FBLN1: variants seen among roughly 807,000 people sequenced by gnomAD.
FBLN1 encodes the protein fibulin-1.
In FBLN1, 34 loss-of-function variants were observed where a neutral mutation model predicts 89.7. The observed-to-expected ratio is 0.38, with a 90% CI of 0.29 to 0.50. The LOEUF (loss-of-function observed/expected upper bound fraction) is 0.50, where lower values mean the gene tolerates loss of function less well. Among genes scored for constraint, FBLN1 ranks in the 20% least tolerant of loss-of-function variants. The probability of loss-of-function intolerance (pLI) is 0.92; values close to 1 mark genes in which losing one functional copy is unlikely to be tolerated. For missense variants in FBLN1, 777 were observed against 988.1 expected, an observed-to-expected ratio of 0.79 and a Z score of 2.86; for synonymous variants, 393 against 391.3, an observed-to-expected ratio of 1.00 and a Z score of -0.05.
In FBLN1 at chr22:45,503,051, G is replaced by C; in HGVS notation, c.66G>C (p.Leu22=). 1 of 1,248,238 alleles carries C rather than the reference G, an allele frequency of 8.0e-7. No individual in the cohort carries two copies. The highest frequency in any genetic ancestry group is 1.0e-6 in the Non-Finnish European group (1 of 996,572). The allele number at this position is 1,248,238 out of a possible 1,614,324, so 77.3% of individuals were successfully genotyped here. The change falls in exon 1 of 17, where the codon CTG becomes CTC. Residue 22 remains leucine, a synonymous_variant. Coordinates refer to ENST00000327858, the MANE Select transcript of FBLN1 (RefSeq NM_006486.3). Reference sequence around the variant, plus strand: ...TGCTGCTGCTCGGCGGCCTTGCGCTGCTGGCGGCCGGAGGTAGGGGCGTCC... The same window carrying C: ...TGCTGCTGCTCGGCGGCCTTGCGCTCCTGGCGGCCGGAGGTAGGGGCGTCC... The part of the protein sequence containing the change: ...LPLLLLGGLA[L]LAAGVDADVL...
chr22:45,525,693 C>T lies in FBLN1; in HGVS notation c.321+15C>T. 6.4e-7 allele frequency: 1 copy of T among 1,551,292 alleles called. No homozygotes were observed. The highest frequency in any genetic ancestry group is 8.7e-7 in the Non-Finnish European group (1 of 1,147,000). On this transcript the variant is annotated intron_variant, in intron 3 of 16. Coordinates refer to ENST00000327858, the MANE Select transcript of FBLN1 (RefSeq NM_006486.3). Reference sequence around the variant, plus strand: ...CATTTGTGAAGGTGAGAGCCAAAGACCATGTGGGGTCGCTGCCCGTCCCCA... The same window carrying T: ...CATTTGTGAAGGTGAGAGCCAAAGATCATGTGGGGTCGCTGCCCGTCCCCA...
In FBLN1 at chr22:45,563,030, A is replaced by T. The variant is rs752070504; in HGVS notation, c.1698-11481A>T. On this transcript the variant is annotated intron_variant, in intron 14 of 16. Coordinates refer to ENST00000327858, the MANE Select transcript of FBLN1 (RefSeq NM_006486.3). This position sits in a 1 kb window ranked among gnomAD's most constrained non-coding sequence, Gnocchi z 5.7. The stretch of plus-strand genomic sequence containing the variant: ...CCAAGCGCCCGCGGTGGTTTTCCGC[A>T]TGGGCCCCTCCAGTGCTGTCCCCGG... 2 of 1,613,382 alleles carry T rather than the reference A, an allele frequency of 1.2e-6. No individual in the cohort carries two copies. The highest frequency in any genetic ancestry group is 2.2e-5 in the East Asian group (1 of 44,830).
In FBLN1 at chr22:45,550,696, A is replaced by C; in HGVS notation, c.1697+81A>C. 2.5e-6 allele frequency: 4 copies of C among 1,601,604 alleles called. No homozygotes were observed. Among genetic ancestry groups the C allele is most frequent in the Non-Finnish European group, 1.7e-6 (2 of 1,169,842 alleles). On this transcript the variant is annotated intron_variant, in intron 14 of 16. Transcript: ENST00000327858. This position sits in a 1 kb window ranked among gnomAD's most constrained non-coding sequence, Gnocchi z 8.4. ...CCAGTTCCCGGGTGGGTGGGTTATC[A>C]GGCTGTGACCTCGGTGTCCTCCCAT...
chr22:45,538,508 C>A (rs2238819), intron 8 of FBLN1, among the ~76,000 whole-genome samples: 5 of 152,278 alleles, frequency 3.3e-5, no homozygotes, highest in South Asian at 2.1e-4. Flanking sequence ...TTTTCCCCCC[C>A]ACTTGACAGG....
chr22:45,510,687 G>A (rs1264348525), intron 1 of FBLN1, among the ~76,000 whole-genome samples: 1 of 152,124 alleles, frequency 6.6e-6, no homozygotes, highest in African/African-American at 2.4e-5. Context: ...CTGAGCATCT[G>A]TAGTCTTAGA....
intron 1 of FBLN1, among the ~76,000 whole-genome samples, chr22:45,504,094 C>CCT (rs2087985713): frequency 6.6e-6 from 1 of 152,100 alleles, no homozygotes; most frequent in African/African-American, 2.4e-5. Flanking sequence ...CCTCAGAATC[C>CCT]GAGTCTTAAT....
intron 2 of FBLN1, among the ~76,000 whole-genome samples, chr22:45,521,107 C>T (rs544271726): frequency 9.8e-5 from 15 of 152,346 alleles, no homozygotes; most frequent in East Asian, 3.9e-4. Context: ...TGAGCCACTG[C>T]GCCCGGCCAA....
intron 14 of FBLN1, chr22:45,565,194 G>C: frequency 1.3e-6 from 2 of 1,531,792 alleles, no homozygotes; most frequent in Non-Finnish European, 1.8e-6. Context: ...GAGCCTCTCT[G>C]AAGGACCAGT....
chr22:45,560,027 A>G (rs1185111125), intron 14 of FBLN1, among the ~76,000 whole-genome samples: 3 of 152,234 alleles, frequency 2.0e-5, no homozygotes, highest in African/African-American at 7.2e-5. Flanking sequence ...TTCGGCTTAT[A>G]CAAATCAAGT....
chr22:45,596,746 ATT>A (rs2089190252), intron 16 of FBLN1, among the ~76,000 whole-genome samples: 1 of 147,564 alleles, frequency 6.8e-6, no homozygotes, highest in African/African-American at 2.5e-5. Context: ...AAATGTAAAC[ATT>A]TTATATGAAC....
intron 11 of FBLN1, among the ~76,000 whole-genome samples, chr22:45,544,247 C>T (rs1317970712): frequency 1.3e-5 from 2 of 152,150 alleles, no homozygotes; most frequent in Non-Finnish European, 2.9e-5. Context: ...CCACCATGCC[C>T]AGCTAATTTT....
At position 45,578,815 on chromosome 22, in the gene FBLN1, C is replaced by T. The variant is rs977977378; in HGVS notation, c.1972+1707C>T. Among the ~76,000 whole-genome samples, 1 of 152,236 alleles carries T rather than the reference C, an allele frequency of 6.6e-6. No individual in the cohort carries two copies. The highest frequency in any genetic ancestry group is 1.5e-5 in the Non-Finnish European group (1 of 68,036). On this transcript the variant is annotated intron_variant, in intron 16 of 16. Transcript: ENST00000327858. This position sits in a 1 kb window ranked among gnomAD's most constrained non-coding sequence, Gnocchi z 4.6. ...TGGAATCCTAGGACCTTCTAGTTCA[C>T]TCACTCATTCTTTCCGTTTCTGAAC...
chr22:45,518,429 C>T (rs539713411), intron 1 of FBLN1, among the ~76,000 whole-genome samples: 34 of 152,308 alleles, frequency 2.2e-4, no homozygotes, highest in Non-Finnish European at 3.2e-4. Flanking sequence ...GGGGCTGAGC[C>T]GCAGCCCTGT....
intron 1 of FBLN1, among the ~76,000 whole-genome samples, chr22:45,509,870 G>A (rs1000424260): frequency 6.6e-6 from 1 of 152,082 alleles, no homozygotes; most frequent in Admixed American, 6.6e-5. Context: ...TGTAGCTTTA[G>A]ACAATGCTGT....
chr22:45,558,350 C>G, intron 14 of FBLN1: 1 of 285,658 alleles, frequency 3.5e-6, no homozygotes, highest in Non-Finnish European at 6.7e-6. Context: ...GTCAAACATT[C>G]AGTTTCCACC....
At chr22:45,548,509 C>A in intron 12 of FBLN1, 104 bp from the exon 13 acceptor site, 1 of 1,501,100 alleles carries the variant, frequency 6.7e-7, no homozygotes, top group Admixed American at 1.8e-5. Flanking sequence ...TCCTGTGCTG[C>A]TGCCCTCCCG....
intron 16 of FBLN1, among the ~76,000 whole-genome samples, chr22:45,596,319 C>G (rs940015725): frequency 1.3e-5 from 2 of 152,198 alleles, no homozygotes; most frequent in Non-Finnish European, 2.9e-5. Flanking sequence ...TGGCAGGTCC[C>G]TGTCCCACAT....
intron 14 of FBLN1, among the ~76,000 whole-genome samples, chr22:45,567,307 C>A (rs921867180): frequency 5.3e-5 from 8 of 152,170 alleles, no homozygotes; most frequent in Non-Finnish European, 1.0e-4. Flanking sequence ...GGCTATGAGG[C>A]TGGAATGAAA....
intron 14 of FBLN1, among the ~76,000 whole-genome samples, chr22:45,569,519 A>G (rs968332917): frequency 6.6e-6 from 1 of 152,128 alleles, no homozygotes; most frequent in Non-Finnish European, 1.5e-5. Flanking sequence ...TGTGCCTGTA[A>G]TCTCAGCGAC....
Sources: allele counts gnomAD v4.1 joint callset (sites outside exome capture counted in the v4.1 genomes callset), GRCh38; gene constraint gnomAD v4.1.1; non-coding constraint Gnocchi (gnomAD v3.1); transcripts MANE v1.5; gene names NCBI Gene and HGNC (gene_info 2026-07-23, HGNC 2026-07-21).